The following ARHGEF7 variants were observed in gnomAD, a reference collection of about 807,000 sequenced individuals.
ARHGEF7 encodes Rho guanine nucleotide exchange factor 7.
A neutral mutation model predicts 109.8 loss-of-function variants in ARHGEF7; 33 were observed. That is an observed-to-expected ratio of 0.30 (90% CI 0.23 to 0.40). The LOEUF (loss-of-function observed/expected upper bound fraction) is 0.40, where lower values mean the gene tolerates loss of function less well. Ranked by LOEUF, ARHGEF7 falls within the 10% of genes least tolerant of loss-of-function variation. The pLI is 1.00. For synonymous variants in ARHGEF7, 458 were observed against 424.6 expected (o/e 1.08, Z -0.97); for missense variants, 938 against 1,098.5 (o/e 0.85, Z 2.07).
intron 5 of ARHGEF7, among the ~76,000 whole-genome samples, chr13:111,218,960 C>A (rs1180944419): frequency 6.6e-6 from 1 of 152,144 alleles, no homozygotes; most frequent in Non-Finnish European, 1.5e-5. Context: ...TATTTGTAAA[C>A]TTCTCTGGTG....
intron 2 of ARHGEF7, among the ~76,000 whole-genome samples, chr13:111,189,103 G>A (rs1353274232): frequency 6.6e-6 from 1 of 152,156 alleles, no homozygotes; most frequent in Non-Finnish European, 1.5e-5. Context: ...CTCATTTAAG[G>A]AAAAAGGATA....
Position 111,239,405 on chromosome 13 carries a change from C to T in ARHGEF7, c.760-4467C>T, listed in dbSNP as rs949951116. On this transcript the variant is annotated intron_variant, in intron 6 of 21. Transcript: ENST00000646102. The surrounding 1 kb of genome is among the most constrained non-coding windows in gnomAD (Gnocchi z 4.3). ...TGCTCCAGAGAAGCCGCACACCTGT[C>T]TTTTCCTCCCTGCTCCTTTAGTTTG... Among the ~76,000 whole-genome samples, 1 of 152,180 alleles carries T rather than the reference C, an allele frequency of 6.6e-6. No individual in the cohort carries two copies. Among genetic ancestry groups the T allele is most frequent in the Non-Finnish European group, 1.5e-5 (1 of 68,036 alleles).
chr13:111,297,686 G>A (rs763751328), intron 19 of ARHGEF7, among the ~76,000 whole-genome samples: 4 of 152,206 alleles, frequency 2.6e-5, no homozygotes, highest in East Asian at 1.9e-4. Context: ...CACGAGGGGC[G>A]TCCTGGTTCT....
In ARHGEF7 at chr13:111,127,674, G is replaced by A. The variant is rs76292366; in HGVS notation, c.165+11983G>A. On this transcript the variant is annotated intron_variant, in intron 1 of 21. Transcript: ENST00000646102. ...AAAAAAAAAAAAAAAAAAAAAAAAA[G>A]AAGGAAGGAAGGAAGAAAGATTAAT... 6.0e-3 allele frequency among the ~76,000 whole-genome samples: 512 copies of A among 85,886 alleles called. 8 individuals are homozygous for A. Among genetic ancestry groups the A allele is most frequent in the Middle Eastern group, 0.031 (4 of 128 alleles). 56.3% of individuals were successfully genotyped at this position (85,886 alleles called of 152,430 possible). A position where few individuals can be genotyped will look rare whatever the true frequency, so the allele number is the denominator to read the frequency against.
chr13:111,210,836 C>T (rs948517215), intron 4 of ARHGEF7, among the ~76,000 whole-genome samples: 1 of 152,158 alleles, frequency 6.6e-6, no homozygotes, highest in Non-Finnish European at 1.5e-5. Flanking sequence ...GAACCCTATT[C>T]TAGAGTCATG....
chr13:111,203,688 A>C (rs2081444350), intron 2 of ARHGEF7, among the ~76,000 whole-genome samples: 1 of 152,100 alleles, frequency 6.6e-6, no homozygotes, highest in Admixed American at 6.5e-5. Flanking sequence ...TTTTCTCTTG[A>C]GGTAGTTTTT....
intron 5 of ARHGEF7, among the ~76,000 whole-genome samples, chr13:111,232,137 A>G (rs934175389): frequency 6.6e-6 from 1 of 152,114 alleles, no homozygotes; most frequent in African/African-American, 2.4e-5. Flanking sequence ...ATATACACAC[A>G]ACCATTGATA....
intron 9 of ARHGEF7, among the ~76,000 whole-genome samples, chr13:111,270,732 C>T (rs2092075596): frequency 6.6e-6 from 1 of 152,160 alleles, no homozygotes; most frequent in South Asian, 2.1e-4. Context: ...GGAAAAGGTA[C>T]TTATGTGGAT....
rs2084239937 is a variant in ARHGEF7, at chr13:111,221,500, T to TAGATATATAGAC, written c.670+3621_670+3622insGATATATAGACA. 4.9e-5 allele frequency among the ~76,000 whole-genome samples: 4 copies of TAGATATATAGAC among 81,840 alleles called. 1 individual carries two copies. The highest frequency in any genetic ancestry group is 8.5e-5 in the African/African-American group (2 of 23,458). The allele number at this position is 81,840 out of a possible 152,430, so 53.7% of individuals were successfully genotyped here. On this transcript the variant is annotated intron_variant, in intron 5 of 21. Transcript: ENST00000646102. ...ATATAGATATATATAGACATATATA[T>TAGATATATAGAC]ATCTATATATATAGATATATATCTA... is the stretch of plus-strand genomic sequence containing the variant.
At chr13:111,209,544 A>G (rs1372884830) in intron 3 of ARHGEF7, among the ~76,000 whole-genome samples, 1 of 152,250 alleles carries the variant, frequency 6.6e-6, no homozygotes, top group Non-Finnish European at 1.5e-5. Flanking sequence ...TCTCCGCTCC[A>G]TAATCAAATT....
chr13:111,263,790 G>A (rs973617739), intron 8 of ARHGEF7, among the ~76,000 whole-genome samples: 3 of 148,878 alleles, frequency 2.0e-5, no homozygotes, highest in Non-Finnish European at 3.0e-5. Flanking sequence ...CTCAAAACCT[G>A]TGTGTCTTAA....
chr13:111,117,709 C>T (rs1295718038), intron 1 of ARHGEF7, among the ~76,000 whole-genome samples: 2 of 151,696 alleles, frequency 1.3e-5, no homozygotes, highest in Non-Finnish European at 2.9e-5. Context: ...CTCTCTCTGT[C>T]TCTCTCTCTC....
intron 2 of ARHGEF7, among the ~76,000 whole-genome samples, chr13:111,174,765 C>CTA: frequency 6.6e-6 from 1 of 152,170 alleles, no homozygotes; most frequent in East Asian, 1.9e-4. Context: ...TCCATCTGTA[C>CTA]GCTGGGGGTC....
chr13:111,194,629 T>C (rs1354718091), intron 2 of ARHGEF7, among the ~76,000 whole-genome samples: 1 of 152,168 alleles, frequency 6.6e-6, no homozygotes, highest in Non-Finnish European at 1.5e-5. Flanking sequence ...AGATCTAGAG[T>C]AGCCCACTGA....
intron 12 of ARHGEF7, chr13:111,275,937 G>C: frequency 2.2e-6 from 1 of 450,666 alleles, no homozygotes; most frequent in Non-Finnish European, 4.1e-6. Context: ...CTGAAGGATA[G>C]ATAGTGTGCA....
At chr13:111,204,561 A>G (rs2081557954) in intron 2 of ARHGEF7, among the ~76,000 whole-genome samples, 1 of 152,184 alleles carries the variant, frequency 6.6e-6, no homozygotes, top group Non-Finnish European at 1.5e-5. Flanking sequence ...TAGTTGCCAC[A>G]TACCTAGGCA....
chr13:111,293,713 T>C, intron 19 of ARHGEF7: 1 of 985,416 alleles, frequency 1.0e-6, no homozygotes, highest in Non-Finnish European at 1.2e-6. Context: ...AAATTGAGAA[T>C]AACATTTTTT....
intron 19 of ARHGEF7, chr13:111,293,556 T>C (rs2093353077): frequency 1.0e-6 from 1 of 985,232 alleles, no homozygotes; most frequent in African/African-American, 1.7e-5. Flanking sequence ...TGCATTCAGT[T>C]GTAGCATCAA....
intron 8 of ARHGEF7, among the ~76,000 whole-genome samples, chr13:111,259,240 G>A (rs9560023): frequency 0.17 from 26,573 of 152,110 alleles, 3,202 homozygotes; most frequent in East Asian, 0.68. Context: ...AGCAAACATA[G>A]GCAGTAGTTA....
Sources: allele counts gnomAD v4.1 joint callset (sites outside exome capture counted in the v4.1 genomes callset), GRCh38; gene constraint gnomAD v4.1.1; non-coding constraint Gnocchi (gnomAD v3.1); transcripts MANE v1.5; gene names NCBI Gene and HGNC (gene_info 2026-07-23, HGNC 2026-07-21).